Variants in MSR1 observed in about 807,000 individuals in gnomAD.
MSR1 encodes the protein macrophage scavenger receptor 1.
A neutral mutation model predicts 47.2 loss-of-function variants in MSR1; 53 were observed. The ratio of observed to expected loss-of-function variants is 1.12; its 90% CI spans 0.90 to 1.41. The LOEUF (loss-of-function observed/expected upper bound fraction) is 1.41, where lower values mean the gene tolerates loss of function less well. MSR1 is among the 40% of genes most tolerant of loss of function. The probability of loss-of-function intolerance (pLI) is 0.00; values close to 1 mark genes in which losing one functional copy is unlikely to be tolerated. For synonymous variants in MSR1, 239 were observed against 185.6 expected (o/e 1.29, Z -2.34); for missense variants, 786 against 546.9 (o/e 1.44, Z -4.36).
At chr8:16,151,120 T>C (rs1800846575) in intron 6 of MSR1, among the ~76,000 whole-genome samples, 1 of 152,102 alleles carries the variant, frequency 6.6e-6, no homozygotes, top group South Asian at 2.1e-4. Context: ...TATTTTGTCA[T>C]TATCAATTCA....
intron 2 of MSR1, among the ~76,000 whole-genome samples, chr8:16,176,941 T>C (rs1049655805): frequency 2.6e-5 from 4 of 152,226 alleles, no homozygotes; most frequent in African/African-American, 9.6e-5. Flanking sequence ...ACTTTGTATA[T>C]GCTGCTTCTT....
intron 8 of MSR1, chr8:16,140,479 G>A (rs77992971): frequency 2.4e-5 from 24 of 989,580 alleles, no homozygotes; most frequent in South Asian, 9.3e-5. Flanking sequence ...GTCTCATTGC[G>A]CATGAGCAAA....
intron 8 of MSR1, among the ~76,000 whole-genome samples, chr8:16,123,239 G>A (rs1022062509): frequency 2.0e-5 from 3 of 152,082 alleles, no homozygotes; most frequent in Non-Finnish European, 4.4e-5. Context: ...ACTATTGACA[G>A]GTGACCACAC....
intron 8 of MSR1, among the ~76,000 whole-genome samples, chr8:16,131,443 T>TTTTTTTTTTTTG: frequency 6.6e-5 from 1 of 15,092 alleles, no homozygotes; most frequent in African/African-American, 1.0e-4. Context: ...TGTTGATAGT[T>TTTTTTTTTTTTG]TTTTTTTTTT....
chr8:16,172,023 G>A (rs181795779), intron 3 of MSR1, among the ~76,000 whole-genome samples: 3 of 152,294 alleles, frequency 2.0e-5, no homozygotes, highest in Middle Eastern at 3.4e-3. Context: ...GATTCAAGAT[G>A]TGTGATTCAG....
intron 3 of MSR1, among the ~76,000 whole-genome samples, chr8:16,171,156 G>A (rs1336930917): frequency 6.6e-6 from 1 of 150,412 alleles, no homozygotes; most frequent in Non-Finnish European, 1.5e-5. Context: ...CCCGGGAGGC[G>A]GAGGTTGCAG....
At chr8:16,186,062 G>T in intron 1 of MSR1, 1 of 1,068,272 alleles carries the variant, frequency 9.4e-7, no homozygotes, top group Non-Finnish European at 1.3e-6. Flanking sequence ...TTTTTCCTGT[G>T]TGGTAGAAGC....
chr8:16,117,768 C>G (rs891087263), intron 9 of MSR1, among the ~76,000 whole-genome samples: 2 of 152,058 alleles, frequency 1.3e-5, no homozygotes, highest in Non-Finnish European at 2.9e-5. Flanking sequence ...TCCCATCAGC[C>G]CCAGATGGGA....
In MSR1 at chr8:16,109,492, G is replaced by A. The variant is rs1241256296; in HGVS notation, c.*593C>T. 2 of 154,010 alleles carry A rather than the reference G, an allele frequency of 1.3e-5. No homozygotes were observed. The highest frequency in any genetic ancestry group is 2.9e-5 in the Non-Finnish European group (2 of 69,282). The allele number at this position is 154,010 out of a possible 1,614,324, so 9.5% of individuals were successfully genotyped here. ...TTCAATTAAACAGTTGTCAGTACATGACAAGAAAAATAAGCTCCCTGGTCC... is the reference window on the plus strand; with the variant it reads ...TTCAATTAAACAGTTGTCAGTACATAACAAGAAAAATAAGCTCCCTGGTCC... On this transcript the variant is annotated 3_prime_UTR_variant, in exon 10 of 10. Transcript: ENST00000262101.
intron 2 of MSR1, among the ~76,000 whole-genome samples, chr8:16,176,581 C>A (rs750007634): frequency 6.6e-6 from 1 of 151,610 alleles, no homozygotes; most frequent in Non-Finnish European, 1.5e-5. Context: ...GAAAAAGAAC[C>A]CATAATAGAA....
At chr8:16,186,215 G>T (rs1801994648) in intron 1 of MSR1, 1 of 1,535,076 alleles carries the variant, frequency 6.5e-7, no homozygotes, top group African/African-American at 1.4e-5. Context: ...ACATCCAGGG[G>T]AGTTTTATTT....
At chr8:16,151,358 A>C (rs1800853651) in intron 6 of MSR1, among the ~76,000 whole-genome samples, 1 of 152,136 alleles carries the variant, frequency 6.6e-6, no homozygotes, top group African/African-American at 2.4e-5. Flanking sequence ...TAACTCTGTA[A>C]ATGAAGCATA....
At chr8:16,114,954 G>T (rs1182536573) in intron 9 of MSR1, among the ~76,000 whole-genome samples, 1 of 151,998 alleles carries the variant, frequency 6.6e-6, no homozygotes, top group Non-Finnish European at 1.5e-5. Context: ...GAGGTGGGTG[G>T]ATCTCGTGCG....
chr8:16,128,455 G>A (rs189076287), intron 8 of MSR1, among the ~76,000 whole-genome samples: 9 of 152,072 alleles, frequency 5.9e-5, no homozygotes, highest in Admixed American at 2.0e-4. Flanking sequence ...CAATGAGAAG[G>A]GGGCCGTCTG....
rs925266838 is a variant in MSR1, at chr8:16,134,585, T to A, written c.1033+8973A>T. On this transcript the variant is annotated intron_variant, in intron 8 of 9. Coordinates refer to ENST00000262101, the MANE Select transcript of MSR1 (RefSeq NM_138715.3). ...CCCTATTCCCTGAGACACAGCAATA[T>A]TGAAATTAAACAAATTAGTAACCTT... is the stretch of plus-strand genomic sequence containing the variant. 2.6e-5 allele frequency among the ~76,000 whole-genome samples: 4 copies of A among 152,126 alleles called. No homozygotes were observed. In the South Asian group the frequency reaches 8.3e-4, roughly 32 times the overall value.
chr8:16,142,806 C>G (rs1800596195), intron 8 of MSR1, among the ~76,000 whole-genome samples: 1 of 152,132 alleles, frequency 6.6e-6, no homozygotes, highest in African/African-American at 2.4e-5. Context: ...CACACACACA[C>G]ATCACATGTA....
At chr8:16,136,649 C>T (rs1341550122) in intron 8 of MSR1, among the ~76,000 whole-genome samples, 1 of 152,004 alleles carries the variant, frequency 6.6e-6, no homozygotes, top group East Asian at 1.9e-4. Flanking sequence ...TGTCTCCAGG[C>T]GGGAGTGCAG....
chr8:16,185,416 G>C (rs1459150234), intron 1 of MSR1, among the ~76,000 whole-genome samples: 1 of 151,902 alleles, frequency 6.6e-6, no homozygotes, highest in Non-Finnish European at 1.5e-5. Flanking sequence ...TCTTTTTCCA[G>C]GATTTTCACT....
At chr8:16,176,291 G>A (rs147679141) in intron 2 of MSR1, among the ~76,000 whole-genome samples, 1,607 of 152,266 alleles carry the variant, frequency 0.011, 29 homozygotes, top group African/African-American at 0.036. Context: ...AGGATGGCTT[G>A]AGCCTAGGAG....
Sources: allele counts gnomAD v4.1 joint callset (sites outside exome capture counted in the v4.1 genomes callset), GRCh38; gene constraint gnomAD v4.1.1; transcripts MANE v1.5; gene names NCBI Gene and HGNC (gene_info 2026-07-23, HGNC 2026-07-21).